NALF1: variants seen among roughly 807,000 people sequenced by gnomAD.
NALF1 encodes family with sequence similarity 155 member A.
Under a neutral mutation model 48.4 loss-of-function variants are expected in NALF1, and 3 were observed. The ratio of observed to expected loss-of-function variants is 0.06; its 90% CI spans 0.03 to 0.16. NALF1 has a LOEUF of 0.16. Among genes scored for constraint, NALF1 ranks in the 10% least tolerant of loss-of-function variants. The probability of loss-of-function intolerance (pLI) is 1.00; values close to 1 mark genes in which losing one functional copy is unlikely to be tolerated. For missense variants in NALF1, 526 were observed against 571.5 expected (o/e 0.92, Z 0.81); for synonymous variants, 262 against 245.7 (o/e 1.07, Z -0.62).
intron 1 of NALF1, among the ~76,000 whole-genome samples, chr13:107,263,543 G>A (rs1447827480): frequency 6.6e-6 from 1 of 151,996 alleles, no homozygotes; most frequent in African/African-American, 2.4e-5. Context: ...GAATCATGGG[G>A]GCAGTTCCCC....
chr13:107,239,921 C>T (rs1260602863), intron 1 of NALF1, among the ~76,000 whole-genome samples: 1 of 152,148 alleles, frequency 6.6e-6, no homozygotes, highest in East Asian at 1.9e-4. Flanking sequence ...GGAAGGAATC[C>T]ACCACAAGGG....
intron 1 of NALF1, among the ~76,000 whole-genome samples, chr13:107,594,819 A>C (rs1878697102): frequency 6.6e-6 from 1 of 151,962 alleles, no homozygotes; most frequent in African/African-American, 2.4e-5. Flanking sequence ...CACACTGACA[A>C]CTCTGTTAAG....
At chr13:107,494,729 T>C (rs988839680) in intron 1 of NALF1, among the ~76,000 whole-genome samples, 1 of 152,192 alleles carries the variant, frequency 6.6e-6, no homozygotes, top group African/African-American at 2.4e-5. Context: ...TTCCTAAAAG[T>C]TCAAATAGTG....
intron 1 of NALF1, among the ~76,000 whole-genome samples, chr13:107,681,600 G>A (rs1462725110): frequency 6.6e-6 from 1 of 152,120 alleles, no homozygotes; most frequent in East Asian, 1.9e-4. Flanking sequence ...AGGTGAGCTG[G>A]GGAGACTTAG....
intron 1 of NALF1, among the ~76,000 whole-genome samples, chr13:107,752,580 G>T (rs928823542): frequency 2.0e-5 from 3 of 152,036 alleles, no homozygotes; most frequent in Non-Finnish European, 4.4e-5. Flanking sequence ...AATCTGCAGG[G>T]TATTATAAGT....
intron 1 of NALF1, among the ~76,000 whole-genome samples, chr13:107,315,929 G>C (rs1882140315): frequency 6.6e-6 from 1 of 151,166 alleles, no homozygotes; most frequent in Non-Finnish European, 1.5e-5. Context: ...TTAAGTTCTA[G>C]GGTACATGTG....
At chr13:107,257,562 C>T (rs770055395) in intron 1 of NALF1, among the ~76,000 whole-genome samples, 6 of 150,502 alleles carry the variant, frequency 4.0e-5, no homozygotes, top group South Asian at 2.1e-4. Context: ...GTTTTAAGGG[C>T]CCTCAGAGAA....
At chr13:107,303,651 A>G (rs1352011383) in intron 1 of NALF1, among the ~76,000 whole-genome samples, 2 of 152,192 alleles carry the variant, frequency 1.3e-5, no homozygotes, top group African/African-American at 2.4e-5. Flanking sequence ...TTTTTCCCAC[A>G]GTCCCATTCC....
intron 2 of NALF1, among the ~76,000 whole-genome samples, chr13:107,200,520 C>T (rs994912019): frequency 6.6e-6 from 1 of 152,194 alleles, no homozygotes; most frequent in Non-Finnish European, 1.5e-5. Flanking sequence ...CAGACTCTTT[C>T]ATCCGTCTCT....
At chr13:107,343,864 A>G (rs1251168198) in intron 1 of NALF1, among the ~76,000 whole-genome samples, 1 of 152,156 alleles carries the variant, frequency 6.6e-6, no homozygotes, top group African/African-American at 2.4e-5. Context: ...TAGACCAGAA[A>G]TCAACAAAGT....
At chr13:107,195,406 TTAAACC>T (rs1879368928) in intron 2 of NALF1, among the ~76,000 whole-genome samples, 1 of 152,332 alleles carries the variant, frequency 6.6e-6, no homozygotes, top group African/African-American at 2.4e-5. Context: ...AAGCTATGAA[TTAAACC>T]TTCACCATGG....
intron 1 of NALF1, among the ~76,000 whole-genome samples, chr13:107,745,357 T>C (rs562767225): frequency 2.0e-5 from 3 of 152,246 alleles, no homozygotes; most frequent in Non-Finnish European, 4.4e-5. Flanking sequence ...ATTAGTCAAA[T>C]TATAGACACC....
chr13:107,381,682 T>C (rs553069022), intron 1 of NALF1, among the ~76,000 whole-genome samples: 6 of 152,214 alleles, frequency 3.9e-5, no homozygotes, highest in Admixed American at 3.3e-4. Flanking sequence ...GGGAGTTTCA[T>C]AGATGGTGTC....
intron 2 of NALF1, among the ~76,000 whole-genome samples, chr13:107,192,939 T>C (rs1173019485): frequency 1.3e-5 from 2 of 151,838 alleles, no homozygotes; most frequent in African/African-American, 4.9e-5. Flanking sequence ...GAAATAAGTA[T>C]GTTTATATAT....
chr13:107,860,546 C>G (rs945380447), intron 1 of NALF1, among the ~76,000 whole-genome samples: 1 of 152,048 alleles, frequency 6.6e-6, no homozygotes, highest in African/African-American at 2.4e-5. Context: ...TTAGCGCCCT[C>G]AAAGATTTCC....
intron 1 of NALF1, among the ~76,000 whole-genome samples, chr13:107,373,604 A>G (rs1883285412): frequency 6.6e-6 from 1 of 152,218 alleles, no homozygotes; most frequent in Admixed American, 6.5e-5. Flanking sequence ...AGGGCTCTAC[A>G]CATTTCCAGG....
intron 1 of NALF1, among the ~76,000 whole-genome samples, chr13:107,822,168 T>C (rs1466617965): frequency 1.3e-5 from 2 of 152,104 alleles, no homozygotes; most frequent in Non-Finnish European, 2.9e-5. Flanking sequence ...GCAGAGTAGA[T>C]AGGAAATAGG....
intron 1 of NALF1, among the ~76,000 whole-genome samples, chr13:107,401,394 G>A (rs1258123384): frequency 1.3e-5 from 2 of 152,152 alleles, no homozygotes; most frequent in Non-Finnish European, 2.9e-5. Flanking sequence ...GGCCAACGTG[G>A]AAATCTTTGC....
At chr13:107,696,114 C>T (rs147459419) in intron 1 of NALF1, among the ~76,000 whole-genome samples, 321 of 152,196 alleles carry the variant, frequency 2.1e-3, no homozygotes, top group African/African-American at 7.4e-3. Context: ...GCCAGGCTGG[C>T]CTTGAACTCT....
Sources: allele counts gnomAD v4.1 joint callset (sites outside exome capture counted in the v4.1 genomes callset), GRCh38; gene constraint gnomAD v4.1.1; transcripts MANE v1.5; gene names NCBI Gene and HGNC (gene_info 2026-07-23, HGNC 2026-07-21).